Variants in ANKRD33B observed in about 807,000 individuals in gnomAD.
ANKRD33B encodes the protein ankyrin repeat domain 33B.
ANKRD33B carries 6 observed loss-of-function variants against 21.5 expected under a neutral mutation model. The ratio of observed to expected loss-of-function variants is 0.28; its 90% CI spans 0.15 to 0.55. The LOEUF (loss-of-function observed/expected upper bound fraction) is 0.55. Among genes scored for constraint, ANKRD33B ranks in the 20% least tolerant of loss-of-function variants. The pLI is 0.94. For missense variants in ANKRD33B, 698 were observed against 747.2 expected, an observed-to-expected ratio of 0.93 and a Z score of 0.77; for synonymous variants, 347 against 342.4, an observed-to-expected ratio of 1.01 and a Z score of -0.15.
intron 2 of ANKRD33B, chr5:10,624,772 C>T (rs1157623470): frequency 2.2e-6 from 1 of 456,780 alleles, no homozygotes; most frequent in South Asian, 1.5e-5. Context: ...CACTGGCTCC[C>T]AATCTTGCGC....
chr5:10,576,845 TG>T lies in ANKRD33B; in HGVS notation c.366+12016del, dbSNP rs1735331168. On this transcript the variant is annotated intron_variant, in intron 1 of 3. Coordinates refer to ENST00000296657, the MANE Select transcript of ANKRD33B (RefSeq NM_001164440.2). The surrounding 1 kb of genome is among the most constrained non-coding windows in gnomAD (Gnocchi z 4.1). ...CTGTTAAAAGTGGCAGCCAGTGCCA[TG>T]GGGAGAAGCCCAGAAGAGAGCAGAG... Among the ~76,000 whole-genome samples the T allele has an allele frequency of 6.6e-6, 1 of 152,200 alleles. No individual in the cohort carries two copies.
rs1460027900 is a variant in ANKRD33B at position 10,655,254 on chromosome 5, T to C, written c.*5141T>C. 1 of 152,364 alleles carries C rather than the reference T, an allele frequency of 6.6e-6. No homozygotes were observed. The highest frequency in any genetic ancestry group is 1.5e-5 in the Non-Finnish European group (1 of 68,056). The allele number at this position is 152,364 out of a possible 1,614,324, so 9.4% of individuals were successfully genotyped here. On this transcript the variant is annotated 3_prime_UTR_variant, in exon 4 of 4. Transcript: ENST00000296657. ...GTGAGTGAAACAGAAGCCCCTGGCA[T>C]AGGGCCAGACCCTAGGCCTGAAAAG...
chr5:10,612,007 C>A (rs941918377), intron 1 of ANKRD33B, among the ~76,000 whole-genome samples: 26 of 152,330 alleles, frequency 1.7e-4, no homozygotes, highest in African/African-American at 6.0e-4. Flanking sequence ...CATGCTCTTT[C>A]ATTCTGTTTA....
Position 10,620,927 on chromosome 5 carries a change from A to T in ANKRD33B, c.496+2465A>T, listed in dbSNP as rs78570739. ...TCCCCACCAGTTTTTGCCATTGATA[A>T]TCCTTTTCTGAATCATTTATTTTAC... On this transcript the variant is annotated intron_variant, in intron 2 of 3. Transcript: ENST00000296657. 4.4e-3 allele frequency among the ~76,000 whole-genome samples: 666 copies of T among 152,278 alleles called. 5 individuals carry two copies. The highest frequency in any genetic ancestry group is 0.015 in the African/African-American group (640 of 41,548).
At position 10,649,893 on chromosome 5, in the gene ANKRD33B, T is replaced by C. The variant is rs1386780587; in HGVS notation, c.1265T>C (p.Val422Ala). 6 of 1,512,328 alleles carry C rather than the reference T, an allele frequency of 4.0e-6. No individual in the cohort carries two copies. The African/African-American group carries it at 8.6e-5, about 22-fold the overall frequency. 93.7% of individuals were successfully genotyped at this position (1,512,328 alleles called of 1,614,324 possible). ...CGGAGAAGCGTGCGGCCCGGTGTGG[T>C]GGTGCCCCGGGTCCGAGTCAGCAAG... ...LRRRSVRPGV[V>A]VPRVRVSKAP... Residue 422 changes from valine to alanine, a missense_variant, in exon 4 of 4, where the codon GTG becomes GCG. Physicochemically the swap from Val to Ala is moderately conservative, Grantham distance 64 (BLOSUM62 0). Coordinates refer to ENST00000296657, the MANE Select transcript of ANKRD33B (RefSeq NM_001164440.2).
intron 2 of ANKRD33B, among the ~76,000 whole-genome samples, chr5:10,632,945 TC>T (rs1736762167): frequency 6.7e-6 from 1 of 149,322 alleles, no homozygotes; most frequent in Non-Finnish European, 1.5e-5. Flanking sequence ...CCGCCACCAC[TC>T]CCAGCTAATT....
rs1345876560 is a variant in ANKRD33B, at chr5:10,650,031, G to A, written c.1403G>A (p.Arg468Lys). The A allele has an allele frequency of 6.5e-7, 1 of 1,532,632 alleles. No homozygotes were observed. Among genetic ancestry groups the A allele is most frequent in the Admixed American group, 2.0e-5 (1 of 50,756 alleles). 94.9% of individuals were successfully genotyped at this position (1,532,632 alleles called of 1,614,324 possible). A position where few individuals can be genotyped will look rare whatever the true frequency, so the allele number is the denominator to read the frequency against. The part of the protein sequence containing the change: ...WRYKEAKEEK[R>K]KAEEAEKKRQ... ...TACAAGGAGGCCAAGGAGGAGAAGA[G>A]GAAGGCAGAGGAGGCCGAAAAGAAG... The change falls in exon 4 of 4, where the codon AGG (arginine) becomes AAG (lysine). Residue 468 changes from arginine to lysine, a missense_variant. By Grantham distance (26) the Arg-to-Lys change is conservative. Around this residue, in one of 3 missense-constraint regions of ANKRD33B, gnomAD observed 543 missense variants for 566.5 expected, o/e 0.96. Transcript: ENST00000296657.
chr5:10,590,660 G>A lies in ANKRD33B; in HGVS notation c.366+25827G>A, dbSNP rs550609407. ...CAGTGTTAGTGTTAGTATATTTTAT[G>A]TGTGGCCCAAGACAATTCTTCTTCC... On this transcript the variant is annotated intron_variant, in intron 1 of 3. Transcript: ENST00000296657. Among the ~76,000 whole-genome samples, 112 of 152,268 alleles carry A rather than the reference G, an allele frequency of 7.4e-4. 1 individual carries two copies. The highest frequency in any genetic ancestry group is 3.4e-3 in the Middle Eastern group (1 of 294).
chr5:10,598,742 A>G (rs926531757), intron 1 of ANKRD33B, among the ~76,000 whole-genome samples: 3 of 152,094 alleles, frequency 2.0e-5, no homozygotes, highest in Admixed American at 6.5e-5. Flanking sequence ...CACCTGGCCA[A>G]TCATATTTTA....
rs577275649 is a variant in ANKRD33B, at chr5:10,612,674, C to T, written c.367-5659C>T. On this transcript the variant is annotated intron_variant, in intron 1 of 3. Transcript: ENST00000296657. ...CTCTCTTGCGCCGTTGCAGCTGCTG[C>T]GACCAAATGCTGTCATCGATGTTTA... Among the ~76,000 whole-genome samples, 41 of 152,348 alleles carry T rather than the reference C, an allele frequency of 2.7e-4. 1 individual carries two copies. Among genetic ancestry groups the T allele is most frequent in the East Asian group, 1.5e-3 (8 of 5,186 alleles).
At chr5:10,597,505 A>G (rs1254473330) in intron 1 of ANKRD33B, among the ~76,000 whole-genome samples, 2 of 152,230 alleles carry the variant, frequency 1.3e-5, no homozygotes, top group East Asian at 3.8e-4. Flanking sequence ...TCCTAAATAT[A>G]TATGCACCCA....
intron 2 of ANKRD33B, among the ~76,000 whole-genome samples, chr5:10,634,356 GGGGTT>G (rs1475067932): frequency 0.017 from 783 of 46,696 alleles, 13 homozygotes; most frequent in African/African-American, 0.043. Context: ...GGGGTGTTCT[GGGGTT>G]CTCTAGGTGA....
chr5:10,567,958 C>T (rs988840938), intron 1 of ANKRD33B, among the ~76,000 whole-genome samples: 1 of 152,144 alleles, frequency 6.6e-6, no homozygotes, highest in Admixed American at 6.5e-5. Context: ...TCTCTAAAGG[C>T]GTCTAAACTT....
intron 3 of ANKRD33B, among the ~76,000 whole-genome samples, chr5:10,647,415 T>C (rs540334156): frequency 2.6e-5 from 4 of 152,268 alleles, no homozygotes; most frequent in South Asian, 4.1e-4. Flanking sequence ...GGCCCCTCAA[T>C]GATTTTTAAC....
At chr5:10,620,559 C>G (rs1736399269) in intron 2 of ANKRD33B, among the ~76,000 whole-genome samples, 1 of 152,202 alleles carries the variant, frequency 6.6e-6, no homozygotes, top group Non-Finnish European at 1.5e-5. Context: ...TCTTACTGAT[C>G]TGCCAGAGCT....
intron 3 of ANKRD33B, among the ~76,000 whole-genome samples, chr5:10,641,225 CTTTTTT>C (rs772445527): frequency 0.012 from 939 of 77,390 alleles, 6 homozygotes; most frequent in Middle Eastern, 0.021. Context: ...TCTTCTTCTT[CTTTTTT>C]TTTTTTTTTT....
At position 10,593,669 on chromosome 5, in the gene ANKRD33B, T is replaced by C. The variant is rs557171584; in HGVS notation, c.367-24664T>C. Among the ~76,000 whole-genome samples, 871 of 151,626 alleles carry C rather than the reference T, an allele frequency of 5.7e-3. 6 individuals carry two copies. Among genetic ancestry groups the C allele is most frequent in the African/African-American group, 0.02 (825 of 41,298 alleles). ...CCTCTCCAGCCTCTCTCCAACCTCT[T>C]CTCCTCCCGGGCAGGGGGGCTAACA... On this transcript the variant is annotated intron_variant, in intron 1 of 3. Coordinates refer to ENST00000296657, the MANE Select transcript of ANKRD33B (RefSeq NM_001164440.2).
rs1179974711 is a variant in ANKRD33B at position 10,564,493 on chromosome 5, C to G, written c.26C>G (p.Pro9Arg). Residue 9 changes from proline (P) to arginine (R), a missense_variant, in exon 1 of 4, where the codon CCG becomes CGG. Coordinates refer to ENST00000296657, the MANE Select transcript of ANKRD33B (RefSeq NM_001164440.2). ...ATGGTGCTGCTGGCCGGGACCGGGC[C>G]GGAGGGCGGCGGGGCGCGCTGCATG... is the stretch of plus-strand genomic sequence containing the variant. The part of the protein sequence containing the change: MVLLAGTG[P>R]EGGGARCMTP... 3 of 1,514,058 alleles carry G rather than the reference C, an allele frequency of 2.0e-6. No individual in the cohort carries two copies. Among genetic ancestry groups the G allele is most frequent in the East Asian group, 5.0e-5 (2 of 40,122 alleles). 93.8% of individuals were successfully genotyped at this position (1,514,058 alleles called of 1,614,324 possible). A position where few individuals can be genotyped will look rare whatever the true frequency, so the allele number is the denominator to read the frequency against.
At chr5:10,645,451 GA>G (rs1737170483) in intron 3 of ANKRD33B, among the ~76,000 whole-genome samples, 1 of 148,732 alleles carries the variant, frequency 6.7e-6, no homozygotes, top group African/African-American at 2.4e-5. Flanking sequence ...GGAAAGTATA[GA>G]TTTTTTTTTC....
Sources: gnomAD v4.1 joint callset for allele counts (sites outside exome capture counted in the v4.1 genomes callset) on GRCh38, gnomAD v4.1.1 for gene constraint, gnomAD v4.1.1 regional missense constraint, Gnocchi (gnomAD v3.1) non-coding constraint, MANE v1.5 for transcripts, NCBI Gene and HGNC (gene_info 2026-07-23, HGNC 2026-07-21) for gene names.